The following UNC5C variants were observed in gnomAD, a reference collection of about 807,000 sequenced individuals.
The protein encoded by UNC5C is netrin receptor UNC5C.
Under a neutral mutation model 99.8 loss-of-function variants are expected in UNC5C, and 47 were observed. The ratio of observed to expected loss-of-function variants is 0.47; its 90% CI spans 0.37 to 0.60. The LOEUF (loss-of-function observed/expected upper bound fraction) is 0.60, where lower values mean the gene tolerates loss of function less well. Among genes scored for constraint, UNC5C ranks in the 20% least tolerant of loss-of-function variants. The probability of loss-of-function intolerance (pLI) is 0.00; values close to 1 mark genes in which losing one functional copy is unlikely to be tolerated. For synonymous variants in UNC5C, 487 were observed against 452.2 expected (o/e 1.08, Z -0.98); for missense variants, 1,062 against 1,165.9 (o/e 0.91, Z 1.30).
intron 7 of UNC5C, among the ~76,000 whole-genome samples, chr4:95,232,737 T>A (rs1439539319): frequency 6.6e-6 from 1 of 152,214 alleles, no homozygotes; most frequent in African/African-American, 2.4e-5. Context: ...GAAAATGTTT[T>A]ACCAGAAAGG....
chr4:95,177,404 A>G (rs1736409936), intron 14 of UNC5C, among the ~76,000 whole-genome samples: 1 of 108,094 alleles, frequency 9.3e-6, no homozygotes, highest in Non-Finnish European at 2.1e-5. Flanking sequence ...ATCATCACCC[A>G]GAGCGCCCCC....
chr4:95,214,451 C>G (rs1323902077), intron 10 of UNC5C, among the ~76,000 whole-genome samples: 2 of 152,176 alleles, frequency 1.3e-5, no homozygotes, highest in African/African-American at 2.4e-5. Flanking sequence ...GGCAGAGAAC[C>G]CTAACAGCAG....
At chr4:95,340,777 T>C (rs1743539544) in intron 1 of UNC5C, among the ~76,000 whole-genome samples, 1 of 152,142 alleles carries the variant, frequency 6.6e-6, no homozygotes, top group Admixed American at 6.6e-5. Flanking sequence ...CACCATTTTC[T>C]GCCCGCTTAA....
chr4:95,521,428 G>T (rs1722354937), intron 1 of UNC5C, among the ~76,000 whole-genome samples: 1 of 151,726 alleles, frequency 6.6e-6, no homozygotes, highest in South Asian at 2.1e-4. Flanking sequence ...ATGTTGGCCA[G>T]GCTGGTCTTG....
intron 1 of UNC5C, among the ~76,000 whole-genome samples, chr4:95,470,994 GA>G (rs974241651): frequency 6.7e-6 from 1 of 150,108 alleles, no homozygotes; most frequent in Admixed American, 6.6e-5. Context: ...CCTTATGAAA[GA>G]AAAAAAAATC....
intron 12 of UNC5C, among the ~76,000 whole-genome samples, chr4:95,196,560 T>TTAAG (rs1737402809): frequency 6.6e-6 from 1 of 151,276 alleles, no homozygotes; most frequent in African/African-American, 2.4e-5. Flanking sequence ...AACACAGCTT[T>TTAAG]TAAGTTTCAG....
At chr4:95,176,556 G>C (rs1579199765) in intron 14 of UNC5C, among the ~76,000 whole-genome samples, 1 of 151,378 alleles carries the variant, frequency 6.6e-6, no homozygotes, top group Admixed American at 6.6e-5. Flanking sequence ...AGGCTGCTCA[G>C]GGGTAGGGGT....
chr4:95,198,101 C>T (rs947554101), intron 12 of UNC5C, among the ~76,000 whole-genome samples: 1 of 151,778 alleles, frequency 6.6e-6, no homozygotes, highest in African/African-American at 2.4e-5. Context: ...AACTCTCCCA[C>T]CTCAGCCTCC....
chr4:95,235,128 C>A (rs903716573), intron 7 of UNC5C, among the ~76,000 whole-genome samples: 1 of 152,134 alleles, frequency 6.6e-6, no homozygotes, highest in Admixed American at 6.5e-5. Context: ...GTATTTTATG[C>A]AAATACTTTT....
chr4:95,399,948 C>T (rs1422635420), intron 1 of UNC5C, among the ~76,000 whole-genome samples: 1 of 152,146 alleles, frequency 6.6e-6, no homozygotes, highest in Non-Finnish European at 1.5e-5. Context: ...CCACTGTTTA[C>T]CCCTAATTGA....
At chr4:95,265,517 C>T (rs1045335163) in intron 4 of UNC5C, among the ~76,000 whole-genome samples, 3 of 152,076 alleles carry the variant, frequency 2.0e-5, no homozygotes, top group African/African-American at 7.2e-5. Flanking sequence ...TAAATAATAA[C>T]ACACAACACA....
intron 12 of UNC5C, among the ~76,000 whole-genome samples, chr4:95,190,201 G>T (rs1737015520): frequency 6.6e-6 from 1 of 152,162 alleles, no homozygotes; most frequent in South Asian, 2.1e-4. Flanking sequence ...GGACATGGAT[G>T]AAGCTGGAAA....
intron 2 of UNC5C, 131 bp from the exon 3 acceptor site, chr4:95,301,880 A>C: frequency 1.6e-4 from 192 of 1,177,430 alleles, no homozygotes; most frequent in Middle Eastern, 2.9e-4. Context: ...ATTGTCTCTC[A>C]TCTCTTTTGA....
rs1224541637 is a variant in UNC5C at position 95,438,708 on chromosome 4, T to C, written c.125-103077A>G. Among the ~76,000 whole-genome samples, 15 of 152,270 alleles carry C rather than the reference T, an allele frequency of 9.9e-5. No individual in the cohort carries two copies. In the South Asian group the frequency reaches 2.5e-3, roughly 25 times the overall value. ...TCCTGCAGATAAGGAAGGACTGCTA[T>C]ATGATTATTTCCATTCTGCATCTGA... On this transcript the variant is annotated intron_variant, in intron 1 of 15. Coordinates refer to ENST00000453304, the MANE Select transcript of UNC5C (RefSeq NM_003728.4).
At chr4:95,413,967 C>T (rs1746084760) in intron 1 of UNC5C, among the ~76,000 whole-genome samples, 1 of 152,164 alleles carries the variant, frequency 6.6e-6, no homozygotes, top group Non-Finnish European at 1.5e-5. Flanking sequence ...ATAATTTGCA[C>T]TCAGATCCAA....
intron 1 of UNC5C, among the ~76,000 whole-genome samples, chr4:95,356,203 A>AAAAC (rs1560801731): frequency 6.0e-5 from 8 of 133,690 alleles, no homozygotes; most frequent in South Asian, 2.4e-4. Flanking sequence ...CAAAAAAAAA[A>AAAAC]AAAAAAAAAC....
intron 7 of UNC5C, among the ~76,000 whole-genome samples, chr4:95,236,171 A>C (rs1453656324): frequency 6.6e-6 from 1 of 152,130 alleles, no homozygotes; most frequent in Non-Finnish European, 1.5e-5. Context: ...ATAGCAAAGA[A>C]CTGGAACCAA....
At chr4:95,278,191 C>T (rs147088795) in intron 4 of UNC5C, 68 bp downstream of exon 4, 102 of 1,281,134 alleles carry the variant, frequency 8.0e-5, no homozygotes, top group Middle Eastern at 3.7e-4. Flanking sequence ...CACCATTAGC[C>T]ATGGATTAGG....
At chr4:95,391,972 A>T (rs1745374222) in intron 1 of UNC5C, among the ~76,000 whole-genome samples, 2 of 152,112 alleles carry the variant, frequency 1.3e-5, no homozygotes, top group African/African-American at 4.8e-5. Flanking sequence ...TGGGAGGATC[A>T]CTTGAGCCCC....
Sources: gnomAD v4.1 joint callset for allele counts (sites outside exome capture counted in the v4.1 genomes callset) on GRCh38, gnomAD v4.1.1 for gene constraint, MANE v1.5 for transcripts, NCBI Gene and HGNC (gene_info 2026-07-23, HGNC 2026-07-21) for gene names.